Variants in RALGAPA2 observed in about 807,000 individuals in gnomAD.
The protein encoded by RALGAPA2 is Ral GTPase activating protein catalytic subunit alpha 2.
RALGAPA2 carries 139 observed loss-of-function variants against 230.4 expected under a neutral mutation model. That is an observed-to-expected ratio of 0.60 (90% CI 0.53 to 0.69). The LOEUF (loss-of-function observed/expected upper bound fraction) is 0.69. Ranked by LOEUF, RALGAPA2 falls within the 30% of genes least tolerant of loss-of-function variation. The pLI is 0.00. For synonymous variants in RALGAPA2, 847 were observed against 837.8 expected (o/e 1.01, Z -0.19); for missense variants, 2,163 against 2,276.0 (o/e 0.95, Z 1.01).
At chr20:20,660,174 G>A (rs2146665048) in intron 3 of RALGAPA2, among the ~76,000 whole-genome samples, 1 of 151,802 alleles carries the variant, frequency 6.6e-6, no homozygotes, top group Non-Finnish European at 1.5e-5. Flanking sequence ...GTTGCGGTAA[G>A]CTGATATTGC....
chr20:20,708,558 C>T (rs1361044745), intron 1 of RALGAPA2, among the ~76,000 whole-genome samples: 1 of 152,182 alleles, frequency 6.6e-6, no homozygotes, highest in Non-Finnish European at 1.5e-5. Flanking sequence ...TTCTCATTCA[C>T]CTTCTGCCAT....
intron 33 of RALGAPA2, among the ~76,000 whole-genome samples, chr20:20,507,272 CT>C (rs1321562743): frequency 6.6e-6 from 1 of 152,160 alleles, no homozygotes; most frequent in Non-Finnish European, 1.5e-5. Context: ...ATTTAGGTTG[CT>C]TTCATTTTAA....
chr20:20,696,832 A>G (rs926866532), intron 1 of RALGAPA2, among the ~76,000 whole-genome samples: 3 of 152,166 alleles, frequency 2.0e-5, no homozygotes, highest in South Asian at 2.1e-4. Flanking sequence ...AAGCATACAC[A>G]TACCCTTATC....
intron 26 of RALGAPA2, 149 bp from the exon 27 acceptor site, chr20:20,531,944 A>G: frequency 1.4e-6 from 1 of 717,084 alleles, no homozygotes; most frequent in Non-Finnish European, 2.2e-6. Context: ...GAAAGAAAAG[A>G]TAAAGAACCC....
chr20:20,458,488 T>A lies in RALGAPA2; in HGVS notation c.5495+14341A>T, dbSNP rs1449424317. On this transcript the variant is annotated intron_variant, in intron 37 of 39. Coordinates refer to ENST00000202677, the MANE Select transcript of RALGAPA2 (RefSeq NM_020343.4). ...TTATATAATATATAATATATATGTA[T>A]TTTATATATATTATATATAATATAT... 7.0e-3 allele frequency among the ~76,000 whole-genome samples: 960 copies of A among 136,446 alleles called. 19 individuals carry two copies. Among genetic ancestry groups the A allele is most frequent in the South Asian group, 9.6e-3 (43 of 4,490 alleles). 89.5% of individuals were successfully genotyped at this position (136,446 alleles called of 152,430 possible). A position where few individuals can be genotyped will look rare whatever the true frequency, so the allele number is the denominator to read the frequency against.
intron 33 of RALGAPA2, among the ~76,000 whole-genome samples, chr20:20,508,346 T>C (rs1180438342): frequency 1.3e-5 from 2 of 152,174 alleles, no homozygotes; most frequent in African/African-American, 2.4e-5. Context: ...GAAACACACA[T>C]ACATGAAATT....
chr20:20,621,001 C>T (rs575292131), intron 10 of RALGAPA2, among the ~76,000 whole-genome samples: 1 of 151,934 alleles, frequency 6.6e-6, no homozygotes, highest in South Asian at 2.1e-4. Flanking sequence ...ATTAGCTGTG[C>T]GTGGTGGCGT....
Position 20,391,140 on chromosome 20 carries a change from C to G in RALGAPA2, c.*2149G>C, listed in dbSNP as rs1313886662. On this transcript the variant is annotated 3_prime_UTR_variant, in exon 40 of 40. Transcript: ENST00000202677. Reference sequence around the variant, plus strand: ...CCCAGAGGCGACCTGCTGGTAGAGACCTACAGGGGACTCTGGAGCCTAGGA... The same window carrying G: ...CCCAGAGGCGACCTGCTGGTAGAGAGCTACAGGGGACTCTGGAGCCTAGGA... The G allele has an allele frequency of 6.6e-6, 1 of 152,186 alleles. No individual in the cohort carries two copies. The highest frequency in any genetic ancestry group is 6.5e-5 in the Admixed American group (1 of 15,274). The allele number at this position is 152,186 out of a possible 1,614,324, so 9.4% of individuals were successfully genotyped here. A position where few individuals can be genotyped will look rare whatever the true frequency, so the allele number is the denominator to read the frequency against.
rs189190463 is a variant in RALGAPA2 at position 20,488,696 on chromosome 20, C to T, written c.5367+6421G>A. ...AGATGTCTCCCTATCTGAATTAAAGCAGCCTCCTTCCTGCCCATTCTATCA... is the reference window on the plus strand; with the variant it reads ...AGATGTCTCCCTATCTGAATTAAAGTAGCCTCCTTCCTGCCCATTCTATCA... On this transcript the variant is annotated intron_variant, in intron 36 of 39. Coordinates refer to ENST00000202677, the MANE Select transcript of RALGAPA2 (RefSeq NM_020343.4). 4.6e-5 allele frequency among the ~76,000 whole-genome samples: 7 copies of T among 152,338 alleles called. No homozygotes were observed. In the East Asian group the frequency reaches 1.2e-3, roughly 25 times the overall value.
At chr20:20,447,849 G>A (rs1404168887) in intron 37 of RALGAPA2, among the ~76,000 whole-genome samples, 1 of 152,066 alleles carries the variant, frequency 6.6e-6, no homozygotes, top group Non-Finnish European at 1.5e-5. Flanking sequence ...TCTCTGCCCC[G>A]CATCCTCAGT....
chr20:20,691,372 C>G (rs748413320), intron 1 of RALGAPA2, among the ~76,000 whole-genome samples: 27 of 152,108 alleles, frequency 1.8e-4, no homozygotes, highest in Admixed American at 6.6e-4. Flanking sequence ...AACGTATTCA[C>G]ACAATAAAAC....
At chr20:20,704,993 T>C (rs889634572) in intron 1 of RALGAPA2, among the ~76,000 whole-genome samples, 3 of 152,232 alleles carry the variant, frequency 2.0e-5, no homozygotes, top group Non-Finnish European at 4.4e-5. Context: ...TCCAGGAGGC[T>C]TTGCTGCTGT....
At chr20:20,424,004 G>C (rs1426404780) in intron 37 of RALGAPA2, among the ~76,000 whole-genome samples, 1 of 152,022 alleles carries the variant, frequency 6.6e-6, no homozygotes, top group Non-Finnish European at 1.5e-5. Context: ...TTTTCTTCAG[G>C]CTATTAAATT....
chr20:20,460,745 G>A (rs1345568197), intron 37 of RALGAPA2, among the ~76,000 whole-genome samples: 2 of 152,188 alleles, frequency 1.3e-5, no homozygotes, highest in Non-Finnish European at 2.9e-5. Context: ...GAGGAAACTG[G>A]CGGTTCAGCT....
At chr20:20,508,608 T>C (rs1480213711) in intron 33 of RALGAPA2, among the ~76,000 whole-genome samples, 2 of 152,202 alleles carry the variant, frequency 1.3e-5, no homozygotes, top group Admixed American at 6.5e-5. Flanking sequence ...CCAAAGAACA[T>C]GTTAAGAAGG....
At chr20:20,669,455 C>T (rs1049198883) in intron 3 of RALGAPA2, among the ~76,000 whole-genome samples, 1 of 152,160 alleles carries the variant, frequency 6.6e-6, no homozygotes, top group African/African-American at 2.4e-5. Context: ...ACCAACCAAT[C>T]CCAAATCCGT....
At position 20,696,898 on chromosome 20, in the gene RALGAPA2, G is replaced by GT. The variant is rs570638362; in HGVS notation, c.106+15476dup. On this transcript the variant is annotated intron_variant, in intron 1 of 39. Coordinates refer to ENST00000202677, the MANE Select transcript of RALGAPA2 (RefSeq NM_020343.4). ...AATTGTATCATATATTTATTATTTG[G>GT]TTTTTTTGTTCTTGATTTTTAGAGA... Among the ~76,000 whole-genome samples the GT allele has an allele frequency of 8.6e-5, 13 of 151,984 alleles. No individual in the cohort carries two copies. In the South Asian group the frequency reaches 2.3e-3, roughly 27 times the overall value.
intron 1 of RALGAPA2, among the ~76,000 whole-genome samples, chr20:20,711,363 A>T (rs1298577659): frequency 6.6e-6 from 1 of 152,254 alleles, no homozygotes; most frequent in African/African-American, 2.4e-5. Context: ...GGACTAAAAG[A>T]CACCTGGAAG....
chr20:20,613,974 G>C (rs2066055905), intron 13 of RALGAPA2, among the ~76,000 whole-genome samples: 1 of 152,148 alleles, frequency 6.6e-6, no homozygotes, highest in Non-Finnish European at 1.5e-5. Context: ...AGTCCTATGA[G>C]GATGTAACCT....
Sources: gnomAD v4.1 joint callset for allele counts (sites outside exome capture counted in the v4.1 genomes callset) on GRCh38, gnomAD v4.1.1 for gene constraint, MANE v1.5 for transcripts, NCBI Gene and HGNC (gene_info 2026-07-23, HGNC 2026-07-21) for gene names.